Variants in CSMD3 observed in about 807,000 individuals in gnomAD.
CSMD3 encodes the protein CUB and sushi domain-containing protein 3.
In CSMD3, 177 loss-of-function variants were observed where a neutral mutation model predicts 435.2. That is an observed-to-expected ratio of 0.41 (90% CI 0.36 to 0.46). The LOEUF (loss-of-function observed/expected upper bound fraction) is 0.46. Ranked by LOEUF, CSMD3 falls within the 20% of genes least tolerant of loss-of-function variation. The probability of loss-of-function intolerance (pLI) is 0.34; values close to 1 mark genes in which losing one functional copy is unlikely to be tolerated. For missense variants in CSMD3, 4,265 were observed against 4,504.6 expected, an observed-to-expected ratio of 0.95 and a Z score of 1.52; for synonymous variants, 1,656 against 1,520.5, an observed-to-expected ratio of 1.09 and a Z score of -2.07.
chr8:113,040,595 T>C (rs562590071), intron 5 of CSMD3, among the ~76,000 whole-genome samples: 4 of 152,246 alleles, frequency 2.6e-5, no homozygotes, highest in African/African-American at 2.4e-5. Flanking sequence ...GAGTCAAAAA[T>C]GACTCTAAAT....
chr8:112,802,530 C>T (rs2132340207), intron 12 of CSMD3, among the ~76,000 whole-genome samples: 1 of 152,112 alleles, frequency 6.6e-6, no homozygotes, highest in East Asian at 1.9e-4. Flanking sequence ...TTGCAATCTC[C>T]TTAGCAGATT....
At chr8:112,905,495 C>T (rs1282454216) in intron 10 of CSMD3, among the ~76,000 whole-genome samples, 2 of 151,272 alleles carry the variant, frequency 1.3e-5, no homozygotes, top group Non-Finnish European at 3.0e-5. Context: ...TTACATCAAA[C>T]AGCACTGGAA....
chr8:112,636,639 T>C (rs889037672), intron 22 of CSMD3, among the ~76,000 whole-genome samples, 178 bp downstream of exon 22: 19 of 152,066 alleles, frequency 1.2e-4, no homozygotes, highest in African/African-American at 4.3e-4. Flanking sequence ...GTTTCTTGAA[T>C]GGAGCAGTAG....
chr8:112,705,255 G>GTTC (rs2076474369), intron 13 of CSMD3, among the ~76,000 whole-genome samples: 1 of 151,976 alleles, frequency 6.6e-6, no homozygotes, highest in African/African-American at 2.4e-5. Flanking sequence ...AGGAAGAAAA[G>GTTC]AACATCTTTA....
At chr8:113,098,988 G>T (rs753379428) in intron 4 of CSMD3, 25 bp from the exon 5 acceptor site, 1 of 1,447,452 alleles carries the variant, frequency 6.9e-7, no homozygotes, top group East Asian at 2.3e-5. Context: ...AAAATATTCA[G>T]TTGTAAGTTA....
intron 1 of CSMD3, among the ~76,000 whole-genome samples, chr8:113,409,343 A>G (rs1185294381): frequency 1.3e-5 from 2 of 152,060 alleles, no homozygotes; most frequent in Non-Finnish European, 2.9e-5. Flanking sequence ...TCGGCCTCCC[A>G]AAGTGCTGGG....
intron 35 of CSMD3, among the ~76,000 whole-genome samples, chr8:112,397,449 G>C (rs1830948579): frequency 6.6e-6 from 1 of 152,106 alleles, no homozygotes; most frequent in Admixed American, 6.6e-5. Context: ...TTCTATCTCT[G>C]GATATGCACT....
intron 30 of CSMD3, among the ~76,000 whole-genome samples, chr8:112,492,965 T>C (rs775757417): frequency 2.6e-5 from 4 of 152,140 alleles, no homozygotes; most frequent in Non-Finnish European, 4.4e-5. Context: ...TTCACATCTG[T>C]GAATGTTAGT....
chr8:113,097,116 T>C (rs1003567243), intron 5 of CSMD3, among the ~76,000 whole-genome samples: 1 of 152,066 alleles, frequency 6.6e-6, no homozygotes, highest in African/African-American at 2.4e-5. Flanking sequence ...TCTGATATTA[T>C]GGCATTGTCA....
intron 69 of CSMD3, among the ~76,000 whole-genome samples, chr8:112,230,138 C>T (rs1027516120): frequency 6.6e-6 from 1 of 152,088 alleles, no homozygotes; most frequent in Admixed American, 6.6e-5. Flanking sequence ...AAAAGAAATA[C>T]CAGTTCTTTC....
At chr8:113,323,994 C>T (rs1192564238) in intron 1 of CSMD3, among the ~76,000 whole-genome samples, 1 of 152,030 alleles carries the variant, frequency 6.6e-6, no homozygotes, top group Middle Eastern at 3.2e-3. Flanking sequence ...TTGGCTGTGT[C>T]CCCACCCAAA....
intron 1 of CSMD3, among the ~76,000 whole-genome samples, chr8:113,410,900 T>TGAAA (rs60929996): frequency 0.12 from 12,311 of 105,304 alleles, 818 homozygotes; most frequent in Middle Eastern, 0.16. Flanking sequence ...CAAAACCCTG[T>TGAAA]GAAAGAAAGA....
intron 4 of CSMD3, among the ~76,000 whole-genome samples, chr8:113,112,406 T>A (rs1337404725): frequency 2.3e-4 from 1 of 4,320 alleles, no homozygotes; most frequent in Middle Eastern, 0.12. Context: ...TATATATATA[T>A]ATATATATAT....
At chr8:112,339,413 G>T (rs1824884719) in intron 42 of CSMD3, among the ~76,000 whole-genome samples, 2 of 152,122 alleles carry the variant, frequency 1.3e-5, no homozygotes, top group South Asian at 4.2e-4. Flanking sequence ...CTTCTAGGGG[G>T]CATCTGGACC....
At chr8:112,345,798 ACAT>A (rs1563819442) in intron 41 of CSMD3, among the ~76,000 whole-genome samples, 1 of 152,132 alleles carries the variant, frequency 6.6e-6, no homozygotes, top group African/African-American at 2.4e-5. Context: ...AAATTTCAAA[ACAT>A]CATGTTGTAC....
At chr8:112,272,630 T>C (rs1449033172) in intron 59 of CSMD3, among the ~76,000 whole-genome samples, 3 of 152,172 alleles carry the variant, frequency 2.0e-5, no homozygotes, top group African/African-American at 4.8e-5. Flanking sequence ...AAATACGTGA[T>C]GCCTGAGTTT....
At chr8:113,209,931 T>C (rs1409998915) in intron 3 of CSMD3, among the ~76,000 whole-genome samples, 2 of 152,036 alleles carry the variant, frequency 1.3e-5, no homozygotes, top group Non-Finnish European at 2.9e-5. Context: ...GCCTGTATTT[T>C]CTCTCTTTTC....
At chr8:113,261,054 C>G (rs1379410551) in intron 3 of CSMD3, among the ~76,000 whole-genome samples, 4 of 152,038 alleles carry the variant, frequency 2.6e-5, no homozygotes, top group African/African-American at 7.2e-5. Flanking sequence ...TGTGTCTTTA[C>G]AGTGGAATGG....
intron 11 of CSMD3, among the ~76,000 whole-genome samples, chr8:112,831,089 C>A (rs2079858377): frequency 6.6e-6 from 1 of 152,016 alleles, no homozygotes; most frequent in African/African-American, 2.4e-5. Context: ...ACCTGGCCAA[C>A]AATTTTTGAC....
Sources: gnomAD v4.1 joint callset for allele counts (sites outside exome capture counted in the v4.1 genomes callset) on GRCh38, gnomAD v4.1.1 for gene constraint, MANE v1.5 for transcripts, NCBI Gene and HGNC (gene_info 2026-07-23, HGNC 2026-07-21) for gene names.